The following PCDH11X variants were observed in gnomAD, a reference collection of about 807,000 sequenced individuals.
PCDH11X encodes protocadherin 11 X-linked.
PCDH11X carries 18 observed loss-of-function variants against 53.3 expected under a neutral mutation model. That is an observed-to-expected ratio of 0.34 (90% CI 0.23 to 0.50). The LOEUF (loss-of-function observed/expected upper bound fraction) is 0.50, where lower values mean the gene tolerates loss of function less well. Ranked by LOEUF, PCDH11X falls within the 20% of genes least tolerant of loss-of-function variation. The pLI, the probability that PCDH11X is intolerant of heterozygous loss-of-function variation, is 0.98. For synonymous variants in PCDH11X, 279 were observed against 393.3 expected (o/e 0.71, Z 3.44); for missense variants, 570 against 1,032.4 (o/e 0.55, Z 6.14).
intron 1 of PCDH11X, among the ~76,000 whole-genome samples, chrX:91,809,155 A>G (rs1936216747): frequency 9.1e-6 from 1 of 110,285 alleles, no homozygotes; most frequent in African/African-American, 3.3e-5. Flanking sequence ...ACACTTCAAA[A>G]GCTTTGGACT....
At chrX:92,230,146 TC>T (rs1296951738) in intron 7 of PCDH11X, among the ~76,000 whole-genome samples, 1 of 109,189 alleles carries the variant, frequency 9.2e-6, no homozygotes, top group Non-Finnish European at 1.9e-5. Context: ...ATGGCAAAAA[TC>T]TTTGTCATAT....
intron 9 of PCDH11X, among the ~76,000 whole-genome samples, chrX:92,440,703 G>A (rs2072494359): frequency 9.1e-6 from 1 of 110,361 alleles, no homozygotes; most frequent in Admixed American, 9.7e-5. Flanking sequence ...TCTTTCTTCT[G>A]TAAATTGCCC....
chrX:91,976,645 T>C (rs897259725), intron 6 of PCDH11X, among the ~76,000 whole-genome samples: 20 of 111,782 alleles, frequency 1.8e-4, no homozygotes, highest in Non-Finnish European at 1.9e-4. Context: ...ATTGGTCTTC[T>C]GATGTGAAGT....
intron 10 of PCDH11X, among the ~76,000 whole-genome samples, chrX:92,508,809 T>A (rs1283517743): frequency 9.2e-6 from 1 of 108,800 alleles, no homozygotes; most frequent in Non-Finnish European, 1.9e-5. Context: ...AATATTAAGA[T>A]CATAAAAATT....
intron 10 of PCDH11X, among the ~76,000 whole-genome samples, chrX:92,570,937 AAC>A (rs1922139293): frequency 9.3e-6 from 1 of 107,216 alleles, no homozygotes; most frequent in African/African-American, 3.8e-5. Context: ...AAAAAGAATA[AAC>A]ACATAGATAT....
chrX:91,986,764 C>T (rs1220537821), intron 6 of PCDH11X, among the ~76,000 whole-genome samples: 1 of 106,896 alleles, frequency 9.4e-6, no homozygotes, highest in Non-Finnish European at 1.9e-5. Flanking sequence ...GCCCACCTGC[C>T]TAACCCAGGT....
chrX:92,577,629 G>A (rs1365969511), intron 10 of PCDH11X, among the ~76,000 whole-genome samples: 3 of 110,344 alleles, frequency 2.7e-5, no homozygotes, highest in African/African-American at 9.9e-5. Flanking sequence ...TCTTTCAGTT[G>A]TGATATTAGA....
At chrX:92,112,440 C>A (rs2064539954) in intron 6 of PCDH11X, among the ~76,000 whole-genome samples, 1 of 108,609 alleles carries the variant, frequency 9.2e-6, no homozygotes, top group African/African-American at 3.4e-5. Context: ...TTGATATTTT[C>A]TCTTAATGGA....
chrX:92,072,920 C>T (rs1305561950), intron 6 of PCDH11X, among the ~76,000 whole-genome samples: 2 of 111,188 alleles, frequency 1.8e-5, no homozygotes, highest in African/African-American at 6.6e-5. Context: ...ATCAAAGATC[C>T]TAGAGCACGT....
rs762836529 is a variant in PCDH11X at position 91,823,001 on chromosome X, T to A, written c.-45+11706T>A. Among the ~76,000 whole-genome samples, 629 of 109,867 alleles carry A rather than the reference T, an allele frequency of 5.7e-3. 4 individuals are homozygous for A. Among genetic ancestry groups the A allele is most frequent in the African/African-American group, 0.02 (605 of 30,152 alleles). On this transcript the variant is annotated intron_variant, in intron 4 of 10. Transcript: ENST00000682573. ...GAGCGGTTTTGAGTGAGTTTCTTAA[T>A]CCTGAGTTCTAGTTTGATTGCACTG...
intron 1 of PCDH11X, among the ~76,000 whole-genome samples, chrX:91,793,307 C>A (rs1415505676): frequency 1.9e-5 from 2 of 107,451 alleles, no homozygotes; most frequent in Non-Finnish European, 3.8e-5. Context: ...CTAATATATG[C>A]ACCAATTTAT....
intron 6 of PCDH11X, among the ~76,000 whole-genome samples, chrX:92,191,751 C>T (rs2148308339): frequency 8.9e-6 from 1 of 112,003 alleles, no homozygotes; most frequent in East Asian, 2.8e-4. Flanking sequence ...AGTGTATCTC[C>T]ATAGAATACT....
rs1937002030 is a variant in PCDH11X, at chrX:91,828,544, CA to C, written c.-44-6913del. 1.8e-5 allele frequency among the ~76,000 whole-genome samples: 2 copies of C among 109,975 alleles called. 1 individual carries two copies. The highest frequency in any genetic ancestry group is 7.7e-4 in the South Asian group (2 of 2,603). ...CCATTTTTTTGGTTTTGAGGTGACA[CA>C]AAACAAAAATCACAGAAATAATATT... On this transcript the variant is annotated intron_variant, in intron 4 of 10. Coordinates refer to ENST00000682573, the MANE Select transcript of PCDH11X (RefSeq NM_032968.5).
chrX:92,108,744 T>C (rs1361983311), intron 6 of PCDH11X, among the ~76,000 whole-genome samples: 1 of 111,879 alleles, frequency 8.9e-6, no homozygotes, highest in Non-Finnish European at 1.9e-5. Context: ...ATAGGATATA[T>C]TATTCCTTTT....
At chrX:92,528,876 G>A (rs1355805879) in intron 10 of PCDH11X, among the ~76,000 whole-genome samples, 1 of 110,746 alleles carries the variant, frequency 9.0e-6, no homozygotes, top group Non-Finnish European at 1.9e-5. Context: ...TAAGGTGCAT[G>A]TTAAGCCCTA....
intron 5 of PCDH11X, among the ~76,000 whole-genome samples, chrX:91,875,191 A>G (rs1259883751): frequency 9.1e-6 from 1 of 109,854 alleles, no homozygotes; most frequent in Non-Finnish European, 1.9e-5. Context: ...CTGGACAGGA[A>G]TCTTCCTCTC....
chrX:92,523,512 A>C (rs899790124), intron 10 of PCDH11X, among the ~76,000 whole-genome samples: 26 of 111,933 alleles, frequency 2.3e-4, no homozygotes, highest in African/African-American at 7.8e-4. Flanking sequence ...ATTTGACATT[A>C]ACTAGTGCTA....
chrX:91,911,148 G>T (rs1941356818), intron 6 of PCDH11X, among the ~76,000 whole-genome samples: 1 of 110,678 alleles, frequency 9.0e-6, no homozygotes. Flanking sequence ...CAAAGGATTG[G>T]ATAATATTTA....
intron 6 of PCDH11X, among the ~76,000 whole-genome samples, chrX:91,892,943 C>T (rs764472309): frequency 3.6e-5 from 4 of 109,925 alleles, no homozygotes; most frequent in African/African-American, 6.6e-5. Context: ...TGAGCCACCA[C>T]GCCCGGCCAA....
Sources: allele counts gnomAD v4.1 joint callset (sites outside exome capture counted in the v4.1 genomes callset), GRCh38; gene constraint gnomAD v4.1.1; transcripts MANE v1.5; gene names NCBI Gene and HGNC (gene_info 2026-07-23, HGNC 2026-07-21).